UBE3D: variants seen among roughly 807,000 people sequenced by gnomAD.
UBE3D encodes the protein ubiquitin protein ligase E3D.
UBE3D carries 48 observed loss-of-function variants against 49.6 expected under a neutral mutation model. That is an observed-to-expected ratio of 0.97 (90% CI 0.77 to 1.23). The LOEUF is 1.23. Among genes scored for constraint, UBE3D ranks in the 50% most tolerant of loss-of-function variants. The pLI is 0.00. For missense variants in UBE3D, 452 were observed against 468.4 expected, an observed-to-expected ratio of 0.96 and a Z score of 0.32; for synonymous variants, 189 against 174.2, an observed-to-expected ratio of 1.08 and a Z score of -0.67.
intron 8 of UBE3D, among the ~76,000 whole-genome samples, chr6:82,970,683 C>CA (rs1350318647): frequency 3.3e-5 from 5 of 151,716 alleles, no homozygotes; most frequent in Non-Finnish European, 5.9e-5. Flanking sequence ...ACTAAAAATA[C>CA]AAAAAATTAG....
At chr6:82,922,131 A>AT (rs34995241) in intron 9 of UBE3D, among the ~76,000 whole-genome samples, 102,097 of 151,790 alleles carry the variant, frequency 0.67, 34,837 homozygotes, top group East Asian at 0.79. Flanking sequence ...ATTCTGAACA[A>AT]TTTTTTTGGA....
intron 8 of UBE3D, among the ~76,000 whole-genome samples, chr6:83,014,569 A>G (rs1468816702): frequency 2.0e-5 from 3 of 152,104 alleles, no homozygotes; most frequent in Non-Finnish European, 2.9e-5. Context: ...ATAAACCCCT[A>G]TTTTAACTTG....
At chr6:82,956,447 C>T (rs1776162211) in intron 9 of UBE3D, among the ~76,000 whole-genome samples, 1 of 152,106 alleles carries the variant, frequency 6.6e-6, no homozygotes, top group Non-Finnish European at 1.5e-5. Flanking sequence ...GGCCAGTCTA[C>T]ATTTGCAGAA....
chr6:82,899,861 A>T (rs952775011), intron 9 of UBE3D, among the ~76,000 whole-genome samples: 4 of 150,962 alleles, frequency 2.6e-5, no homozygotes, highest in Non-Finnish European at 4.4e-5. Flanking sequence ...TTTACTAATG[A>T]GAGCAAACCG....
intron 9 of UBE3D, among the ~76,000 whole-genome samples, chr6:82,918,550 T>C (rs1412410268): frequency 1.3e-5 from 2 of 152,124 alleles, no homozygotes; most frequent in Admixed American, 6.5e-5. Flanking sequence ...CAAAATACCA[T>C]GGAAAATAGA....
intron 9 of UBE3D, chr6:82,938,276 A>G (rs1328135320): frequency 6.6e-6 from 1 of 152,218 alleles, no homozygotes; most frequent in Non-Finnish European, 1.5e-5. Flanking sequence ...TCTGCCTAGA[A>G]GAGGGTCAGC....
At chr6:82,998,158 G>A (rs1286663146) in intron 8 of UBE3D, among the ~76,000 whole-genome samples, 1 of 152,208 alleles carries the variant, frequency 6.6e-6, no homozygotes, top group Non-Finnish European at 1.5e-5. Flanking sequence ...TGTTACAGCA[G>A]CAGCTAGACT....
intron 9 of UBE3D, chr6:82,932,473 G>C (rs1300807154): frequency 6.6e-6 from 1 of 151,998 alleles, no homozygotes; most frequent in Non-Finnish European, 1.5e-5. Flanking sequence ...TGATCTGCTT[G>C]GTCATTTTCC....
Position 82,905,128 on chromosome 6 carries a change from G to A in UBE3D, c.1150-12086C>T, listed in dbSNP as rs185992553. On this transcript the variant is annotated intron_variant, in intron 9 of 9. Coordinates refer to ENST00000369747, the MANE Select transcript of UBE3D (RefSeq NM_198920.3). The stretch of plus-strand genomic sequence containing the variant: ...ATATATGAAACTATTTGGCTGAATA[G>A]TCCTTTACTAATACAGGCACATCTC... Among the ~76,000 whole-genome samples, 12 of 152,256 alleles carry A rather than the reference G, an allele frequency of 7.9e-5. No individual in the cohort carries two copies. The South Asian group carries it at 2.3e-3, about 29-fold the overall frequency.
At chr6:82,899,639 G>A (rs1384459923) in intron 9 of UBE3D, among the ~76,000 whole-genome samples, 1 of 152,196 alleles carries the variant, frequency 6.6e-6, no homozygotes, top group African/African-American at 2.4e-5. Context: ...TTCATCTCTA[G>A]ATGGGGCTGA....
chr6:82,881,690 T>G, the UBE3D span, among the ~76,000 whole-genome samples: 4 of 152,198 alleles, frequency 2.6e-5, no homozygotes, highest in Admixed American at 2.6e-4. Flanking sequence ...CTTCTCTTTC[T>G]CTGTCCCAGC....
intron 8 of UBE3D, among the ~76,000 whole-genome samples, chr6:82,964,629 T>G (rs1325958995): frequency 1.3e-5 from 2 of 152,192 alleles, no homozygotes; most frequent in Non-Finnish European, 2.9e-5. Context: ...GCCAATGATA[T>G]GTCCATCAAT....
chr6:82,889,329 A>G (rs190709883), downstream of UBE3D, among the ~76,000 whole-genome samples: 1 of 152,356 alleles, frequency 6.6e-6, no homozygotes, highest in Admixed American at 6.5e-5. Flanking sequence ...CACTTTTTAC[A>G]ACAGTGGCTA....
chr6:82,898,462 A>G (rs967695686), intron 9 of UBE3D, among the ~76,000 whole-genome samples: 22 of 152,224 alleles, frequency 1.4e-4, no homozygotes, highest in Non-Finnish European at 2.9e-4. Context: ...AATAAAGAAA[A>G]TGTGGCACAT....
At chr6:82,993,121 G>GGAGA (rs376760223) in intron 8 of UBE3D, among the ~76,000 whole-genome samples, 26 of 149,820 alleles carry the variant, frequency 1.7e-4, no homozygotes, top group African/African-American at 2.7e-4. Flanking sequence ...GGGTCGGGGG[G>GGAGA]GAGAGAGAGA....
intron 9 of UBE3D, among the ~76,000 whole-genome samples, chr6:82,933,976 GC>G (rs1173524213): frequency 2.0e-5 from 3 of 152,122 alleles, no homozygotes; most frequent in Admixed American, 2.0e-4. Flanking sequence ...ATATGGTCTG[GC>G]TCTGTGTCTT....
At chr6:82,970,504 C>T (rs996925944) in intron 8 of UBE3D, among the ~76,000 whole-genome samples, 6 of 152,068 alleles carry the variant, frequency 3.9e-5, no homozygotes, top group Admixed American at 2.6e-4. Context: ...GATTTTTAAA[C>T]CATTTTGAAG....
At chr6:82,997,936 ACCAT>A (rs1562167109) in intron 8 of UBE3D, among the ~76,000 whole-genome samples, 1 of 147,386 alleles carries the variant, frequency 6.8e-6, no homozygotes, top group Non-Finnish European at 1.5e-5. Flanking sequence ...GAATGCCTTC[ACCAT>A]TTACCTGGGG....
chr6:82,884,819 T>C, the UBE3D span, among the ~76,000 whole-genome samples: 1 of 152,104 alleles, frequency 6.6e-6, no homozygotes, highest in Non-Finnish European at 1.5e-5. Flanking sequence ...GGGAAGATGA[T>C]TTGCCTTGTT....
Sources: gnomAD v4.1 joint callset for allele counts (sites outside exome capture counted in the v4.1 genomes callset) on GRCh38, gnomAD v4.1.1 for gene constraint, MANE v1.5 for transcripts, NCBI Gene and HGNC (gene_info 2026-07-23, HGNC 2026-07-21) for gene names.